Variants in CTDSPL observed in about 807,000 individuals in gnomAD.
The protein encoded by CTDSPL is CTD small phosphatase-like protein.
A neutral mutation model predicts 30.5 loss-of-function variants in CTDSPL; 8 were observed. The observed-to-expected ratio is 0.26, with a 90% CI of 0.15 to 0.47. The LOEUF (loss-of-function observed/expected upper bound fraction) is 0.47. CTDSPL is among the 20% of genes least tolerant of loss of function. The probability of loss-of-function intolerance (pLI) is 0.99; values close to 1 mark genes in which losing one functional copy is unlikely to be tolerated. For missense variants in CTDSPL, 248 were observed against 366.1 expected, an observed-to-expected ratio of 0.68 and a Z score of 2.63; for synonymous variants, 110 against 137.9, an observed-to-expected ratio of 0.80 and a Z score of 1.42.
intron 1 of CTDSPL, among the ~76,000 whole-genome samples, chr3:37,939,002 T>C (rs1451953070): frequency 6.7e-6 from 1 of 150,220 alleles, no homozygotes; most frequent in African/African-American, 2.4e-5. Context: ...GAGAAAACTT[T>C]ACTGGATAGG....
rs1005967547 is a variant in CTDSPL, at chr3:37,971,392, C to T, written c.427-15C>T. 6.2e-7 allele frequency: 1 copy of T among 1,612,336 alleles called. No homozygotes were observed. Among genetic ancestry groups the T allele is most frequent in the Non-Finnish European group, 8.5e-7 (1 of 1,178,954 alleles). On this transcript the variant is annotated splice_polypyrimidine_tract_variant and intron_variant, in intron 5 of 7. Coordinates refer to ENST00000273179, the MANE Select transcript of CTDSPL (RefSeq NM_001008392.2). ...CTGCCACATCTGACCAGCCTGCTGT[C>T]TCCTGCCATTGCAGGTGTATGTGCT... is the stretch of plus-strand genomic sequence containing the variant.
Position 37,971,457 on chromosome 3 carries a change from G to T in CTDSPL, c.477G>T (p.Gly159=). 1 of 1,614,166 alleles carries T rather than the reference G, an allele frequency of 6.2e-7. No homozygotes were observed. Among genetic ancestry groups the T allele is most frequent in the African/African-American group, 1.3e-5 (1 of 75,054 alleles). Residue 159 remains glycine (G), a synonymous_variant, in exon 6 of 8, where the codon GGG becomes GGT. Transcript: ENST00000273179. ...TGGACGAGTTCCTCCAGAGGATGGG[G>T]CAGCTTTTTGAATGTGTGCTCTTTA... ...PHVDEFLQRM[G]QLFECVLFTA... is the part of the protein sequence containing the mutation.
At position 37,914,826 on chromosome 3, in the gene CTDSPL, TTTG is replaced by T. The variant is rs1262100747; in HGVS notation, c.80-32219_80-32217del. On this transcript the variant is annotated intron_variant, in intron 1 of 7. Transcript: ENST00000273179. The stretch of plus-strand genomic sequence containing the variant: ...TTGCAAAATGAGTTGGGAAGTGTTT[TTTG>T]TTGTTGTTGTTTTCTGGAAGAGTTT... 3.3e-5 allele frequency among the ~76,000 whole-genome samples: 5 copies of T among 151,964 alleles called. No individual in the cohort carries two copies. The East Asian group carries it at 7.7e-4, about 23-fold the overall frequency.
At chr3:37,942,697 G>A (rs1698992073) in intron 1 of CTDSPL, among the ~76,000 whole-genome samples, 1 of 150,190 alleles carries the variant, frequency 6.7e-6, no homozygotes, top group South Asian at 2.1e-4. Context: ...ACTGTTATAA[G>A]AACTCATTTA....
chr3:37,878,983 C>T (rs908483481), intron 1 of CTDSPL, among the ~76,000 whole-genome samples: 1 of 152,124 alleles, frequency 6.6e-6, no homozygotes, highest in African/African-American at 2.4e-5. Context: ...ACTGAAGCCC[C>T]AGCTCTGCAG....
intron 1 of CTDSPL, among the ~76,000 whole-genome samples, chr3:37,940,540 C>T (rs1288044970): frequency 2.7e-5 from 4 of 150,298 alleles, no homozygotes; most frequent in Non-Finnish European, 6.0e-5. Flanking sequence ...GTATTTCTTA[C>T]GAGGTGCAAA....
chr3:37,925,969 G>C (rs1698776924), intron 1 of CTDSPL, among the ~76,000 whole-genome samples: 1 of 152,106 alleles, frequency 6.6e-6, no homozygotes, highest in Non-Finnish European at 1.5e-5. Flanking sequence ...CTTCCCGCTG[G>C]AATCTAAGCT....
chr3:37,861,956 C>T lies in CTDSPL; in HGVS notation c.-244C>T, dbSNP rs1182113915. 2 of 146,694 alleles carry T rather than the reference C, an allele frequency of 1.4e-5. No individual in the cohort carries two copies. Among genetic ancestry groups the T allele is most frequent in the Non-Finnish European group, 1.5e-5 (1 of 65,976 alleles). 9.1% of individuals were successfully genotyped at this position (146,694 alleles called of 1,614,324 possible). A position where few individuals can be genotyped will look rare whatever the true frequency, so the allele number is the denominator to read the frequency against. Reference sequence around the variant, plus strand: ...TCCGCCTCCCCGTGCGCGGCTCTCCCGGGCGCGGCTCCGGGGTTCATGGTG... The same window carrying T: ...TCCGCCTCCCCGTGCGCGGCTCTCCTGGGCGCGGCTCCGGGGTTCATGGTG... On this transcript the variant is annotated 5_prime_UTR_variant, in exon 1 of 8. Transcript: ENST00000273179.
intron 1 of CTDSPL, among the ~76,000 whole-genome samples, chr3:37,905,595 C>A (rs75232457): frequency 0.011 from 1,750 of 152,206 alleles, 32 homozygotes; most frequent in African/African-American, 0.04. Context: ...TCCTTCCCCC[C>A]CTCCCTCCTT....
intron 2 of CTDSPL, among the ~76,000 whole-genome samples, chr3:37,950,342 A>G (rs2125624073): frequency 6.6e-6 from 1 of 152,342 alleles, no homozygotes; most frequent in Non-Finnish European, 1.5e-5. Context: ...TCCAAGTTGG[A>G]AAAACTGTAA....
chr3:37,952,193 G>A (rs866339192), intron 2 of CTDSPL, among the ~76,000 whole-genome samples: 2 of 150,198 alleles, frequency 1.3e-5, no homozygotes, highest in African/African-American at 4.9e-5. Context: ...AAGAAAAAAA[G>A]AAACAGAAAG....
At chr3:37,978,292 T>C (rs1001819640) in intron 7 of CTDSPL, among the ~76,000 whole-genome samples, 1 of 152,228 alleles carries the variant, frequency 6.6e-6, no homozygotes, top group Non-Finnish European at 1.5e-5. Context: ...CCTTTGGCTA[T>C]GGACACTAAT....
At chr3:37,877,055 G>A (rs150815521) in intron 1 of CTDSPL, among the ~76,000 whole-genome samples, 321 of 149,808 alleles carry the variant, frequency 2.1e-3, no homozygotes, top group African/African-American at 7.5e-3. Flanking sequence ...GCAGTGAACC[G>A]AGATTGCGCC....
chr3:37,971,601 C>A, intron 6 of CTDSPL, 102 bp downstream of exon 6: 1 of 1,057,840 alleles, frequency 9.5e-7, no homozygotes, highest in Non-Finnish European at 1.4e-6. Context: ...GTGGGGGAAG[C>A]CATTTCTATG....
intron 1 of CTDSPL, among the ~76,000 whole-genome samples, chr3:37,873,445 C>T (rs1180700752): frequency 6.6e-6 from 1 of 152,090 alleles, no homozygotes; most frequent in African/African-American, 2.4e-5. Context: ...GTCTACCAGG[C>T]AAAAAGAAAA....
chr3:37,947,349 A>G (rs1046900523), intron 2 of CTDSPL, 138 bp downstream of exon 2: 4 of 960,852 alleles, frequency 4.2e-6, no homozygotes, highest in Non-Finnish European at 5.9e-6. Flanking sequence ...CACTGAGGTC[A>G]GGAGTTTGAG....
At chr3:37,867,948 T>A (rs1698031124) in intron 1 of CTDSPL, among the ~76,000 whole-genome samples, 1 of 152,148 alleles carries the variant, frequency 6.6e-6, no homozygotes, top group African/African-American at 2.4e-5. Context: ...CTCCTTTGAG[T>A]TACCTTTTTC....
At chr3:37,927,999 C>A (rs2125613770) in intron 1 of CTDSPL, among the ~76,000 whole-genome samples, 1 of 152,246 alleles carries the variant, frequency 6.6e-6, no homozygotes, top group East Asian at 1.9e-4. Context: ...TATGCTGTGG[C>A]ACATGTCACA....
intron 5 of CTDSPL, among the ~76,000 whole-genome samples, chr3:37,969,646 C>T (rs1277252377): frequency 3.9e-5 from 6 of 152,224 alleles, no homozygotes; most frequent in Admixed American, 1.3e-4. Context: ...TTGCTGGCAA[C>T]GAGGAGTCTT....
Sources: allele counts gnomAD v4.1 joint callset (sites outside exome capture counted in the v4.1 genomes callset), GRCh38; gene constraint gnomAD v4.1.1; transcripts MANE v1.5; gene names NCBI Gene and HGNC (gene_info 2026-07-23, HGNC 2026-07-21).